The following LDLRAD4 variants were observed in gnomAD, a reference collection of about 807,000 sequenced individuals.
LDLRAD4 encodes low-density lipoprotein receptor class A domain-containing protein 4.
LDLRAD4 carries 5 observed loss-of-function variants against 17.0 expected under a neutral mutation model. That is an observed-to-expected ratio of 0.29 (90% CI 0.15 to 0.62). The LOEUF (loss-of-function observed/expected upper bound fraction) is 0.62. LDLRAD4 is among the 20% of genes least tolerant of loss of function. The pLI is 0.84. For synonymous variants in LDLRAD4, 168 were observed against 171.8 expected, an observed-to-expected ratio of 0.98 and a Z score of 0.17; for missense variants, 340 against 424.7, an observed-to-expected ratio of 0.80 and a Z score of 1.75.
chr18:13,452,887 C>T (rs1205091380), intron 3 of LDLRAD4, among the ~76,000 whole-genome samples: 1 of 152,108 alleles, frequency 6.6e-6, no homozygotes, highest in Non-Finnish European at 1.5e-5. Flanking sequence ...GGGGTGACCC[C>T]CAGCGAGAAC....
chr18:13,381,246 T>G (rs9960995), intron 1 of LDLRAD4, among the ~76,000 whole-genome samples: 5,801 of 152,034 alleles, frequency 0.038, 182 homozygotes, highest in South Asian at 0.09. Flanking sequence ...TTTTATATTT[T>G]TAGTAGATAT....
At chr18:13,549,348 CAGTG>C (rs1484682543) in intron 3 of LDLRAD4, among the ~76,000 whole-genome samples, 2 of 152,000 alleles carry the variant, frequency 1.3e-5, no homozygotes, top group East Asian at 1.9e-4. Flanking sequence ...TTCTCAGAAA[CAGTG>C]AGATTGTGCA....
chr18:13,232,889 G>C (rs986068079), intron 1 of LDLRAD4, among the ~76,000 whole-genome samples: 1 of 152,230 alleles, frequency 6.6e-6, no homozygotes, highest in Non-Finnish European at 1.5e-5. Context: ...GGGAGAGAAG[G>C]CTGCCACGTC....
At chr18:13,565,444 A>G (rs551585541) in intron 3 of LDLRAD4, among the ~76,000 whole-genome samples, 140 of 152,346 alleles carry the variant, frequency 9.2e-4, no homozygotes, top group African/African-American at 3.2e-3. Flanking sequence ...AGGCAGCAGG[A>G]CAAAGGGGCG....
At chr18:13,570,179 C>T (rs1038331395) in intron 3 of LDLRAD4, among the ~76,000 whole-genome samples, 1 of 152,230 alleles carries the variant, frequency 6.6e-6, no homozygotes, top group African/African-American at 2.4e-5. Flanking sequence ...CTCCCTAACA[C>T]TTGTGAGTCA....
chr18:13,255,476 G>A (rs2043453116), intron 1 of LDLRAD4, among the ~76,000 whole-genome samples: 1 of 152,228 alleles, frequency 6.6e-6, no homozygotes, highest in African/African-American at 2.4e-5. Context: ...TGGCTGGAGA[G>A]GAGCAGGGGG....
intron 1 of LDLRAD4, among the ~76,000 whole-genome samples, chr18:13,283,456 A>T (rs1403381949): frequency 6.6e-6 from 1 of 152,188 alleles, no homozygotes; most frequent in African/African-American, 2.4e-5. Flanking sequence ...AGTTCCACAA[A>T]TCTTTAGGGC....
At chr18:13,321,022 G>A (rs1237981383) in intron 1 of LDLRAD4, among the ~76,000 whole-genome samples, 3 of 152,224 alleles carry the variant, frequency 2.0e-5, no homozygotes, top group South Asian at 4.1e-4. Flanking sequence ...TGAGTTCAGT[G>A]TGGAGAGCGT....
upstream of LDLRAD4, among the ~76,000 whole-genome samples, chr18:13,276,246 G>A (rs2044860079): frequency 6.6e-6 from 1 of 152,120 alleles, no homozygotes; most frequent in Non-Finnish European, 1.5e-5. Context: ...CTGGCATCCT[G>A]ATCCACCCGC....
Position 13,645,032 on chromosome 18 carries a change from G to T in LDLRAD4, c.391-95G>T. On this transcript the variant is annotated intron_variant, in intron 5 of 5. Coordinates refer to ENST00000359446, the Ensembl canonical transcript of LDLRAD4. This position sits in a 1 kb window ranked among gnomAD's most constrained non-coding sequence, Gnocchi z 5.7. ...TGGGAGATGGTGTTCAAACTGGTAG[G>T]AACACACACCAAGCGTAACTTTCCT... 1.0e-6 allele frequency: 1 copy of T among 1,003,962 alleles called. No individual in the cohort carries two copies. The highest frequency in any genetic ancestry group is 1.5e-5 in the South Asian group (1 of 64,690). 62.2% of individuals were successfully genotyped at this position (1,003,962 alleles called of 1,614,324 possible).
intron 3 of LDLRAD4, among the ~76,000 whole-genome samples, chr18:13,505,844 A>C (rs1349063920): frequency 7.6e-6 from 1 of 131,410 alleles, no homozygotes; most frequent in African/African-American, 3.4e-5. Flanking sequence ...AAACAAAAAC[A>C]AAACACTAGC....
intron 1 of LDLRAD4, among the ~76,000 whole-genome samples, chr18:13,252,266 T>C (rs1231335848): frequency 6.6e-6 from 1 of 152,112 alleles, no homozygotes; most frequent in African/African-American, 2.4e-5. Flanking sequence ...GTAGCTGGGA[T>C]TACAGGCGCC....
chr18:13,501,695 A>T (rs1600883415), intron 3 of LDLRAD4, among the ~76,000 whole-genome samples: 1 of 151,986 alleles, frequency 6.6e-6, no homozygotes, highest in East Asian at 1.9e-4. Context: ...TGAGAGGAGA[A>T]ACATGACGTG....
chr18:13,263,033 T>C (rs1489887910), intron 1 of LDLRAD4, among the ~76,000 whole-genome samples: 6 of 126,042 alleles, frequency 4.8e-5, no homozygotes, highest in African/African-American at 1.8e-4. Context: ...TGCGGCTCTG[T>C]GTGCGTGGGG....
intron 3 of LDLRAD4, among the ~76,000 whole-genome samples, chr18:13,503,066 A>G (rs1568266756): frequency 6.6e-6 from 1 of 152,222 alleles, no homozygotes; most frequent in African/African-American, 2.4e-5. Context: ...CCAAGTTTCG[A>G]CTGCATGAAT....
chr18:13,393,620 T>C (rs1008049899), intron 2 of LDLRAD4, among the ~76,000 whole-genome samples: 25 of 152,304 alleles, frequency 1.6e-4, no homozygotes, highest in Admixed American at 4.6e-4. Flanking sequence ...AACAGTGTCA[T>C]GAGACCGTCT....
chr18:13,600,546 A>C (rs1304543245), intron 3 of LDLRAD4, among the ~76,000 whole-genome samples: 1 of 152,210 alleles, frequency 6.6e-6, no homozygotes, highest in Non-Finnish European at 1.5e-5. Flanking sequence ...GTAGCCTAAG[A>C]CTTCCAGGGC....
At chr18:13,590,115 A>C (rs1224177768) in intron 3 of LDLRAD4, among the ~76,000 whole-genome samples, 4 of 149,406 alleles carry the variant, frequency 2.7e-5, no homozygotes, top group African/African-American at 9.9e-5. Context: ...GTGTGACTGC[A>C]TGTGCGTGGG....
intron 3 of LDLRAD4, among the ~76,000 whole-genome samples, chr18:13,584,632 C>G (rs2094910923): frequency 6.6e-6 from 1 of 152,170 alleles, no homozygotes; most frequent in Non-Finnish European, 1.5e-5. Flanking sequence ...ATACTCATTT[C>G]TTGTTAACTG....
Sources: allele counts gnomAD v4.1 joint callset (sites outside exome capture counted in the v4.1 genomes callset), GRCh38; gene constraint gnomAD v4.1.1; non-coding constraint Gnocchi (gnomAD v3.1); transcripts MANE v1.5; gene names NCBI Gene and HGNC (gene_info 2026-07-23, HGNC 2026-07-21).